Variants in FOXP2 observed in about 807,000 individuals in gnomAD.
The protein encoded by FOXP2 is forkhead box P2.
Under a neutral mutation model 115.8 loss-of-function variants are expected in FOXP2, and 12 were observed. The ratio of observed to expected loss-of-function variants is 0.10; its 90% CI spans 0.07 to 0.17. The LOEUF (loss-of-function observed/expected upper bound fraction) is 0.17. FOXP2 is among the 10% of genes least tolerant of loss of function. The pLI is 1.00. For synonymous variants in FOXP2, 328 were observed against 297.7 expected (o/e 1.10, Z -1.05); for missense variants, 629 against 843.5 (o/e 0.75, Z 3.15).
At chr7:114,654,047 A>G (rs1229404893) in intron 10 of FOXP2, 38 bp downstream of exon 10, 1 of 1,612,548 alleles carries the variant, frequency 6.2e-7, no homozygotes, top group Non-Finnish European at 8.5e-7. Context: ...AAATAGCTCT[A>G]CCAATGTAAC....
chr7:114,595,850 C>A (rs189442892), intron 3 of FOXP2, among the ~76,000 whole-genome samples: 5 of 151,900 alleles, frequency 3.3e-5, no homozygotes, highest in African/African-American at 9.6e-5. Context: ...GAGGATCAGT[C>A]GGGGGAAATG....
At chr7:114,407,337 A>T (rs1460348709) in intron 2 of FOXP2, among the ~76,000 whole-genome samples, 1 of 152,072 alleles carries the variant, frequency 6.6e-6, no homozygotes, top group Non-Finnish European at 1.5e-5. Flanking sequence ...ACCACCAAGA[A>T]GGTGTTTTAA....
At chr7:114,328,923 C>T (rs1471261181) in intron 2 of FOXP2, among the ~76,000 whole-genome samples, 1 of 152,164 alleles carries the variant, frequency 6.6e-6, no homozygotes, top group Non-Finnish European at 1.5e-5. Context: ...TGTGAAATCA[C>T]TCTTAGTACA....
chr7:114,112,247 T>G (rs1376061056), intron 1 of FOXP2, among the ~76,000 whole-genome samples: 1 of 152,062 alleles, frequency 6.6e-6, no homozygotes, highest in East Asian at 1.9e-4. Context: ...GAATCAGTGA[T>G]GTAGGAAGTT....
chr7:114,385,951 A>C (rs886213213), intron 2 of FOXP2, among the ~76,000 whole-genome samples: 1 of 152,212 alleles, frequency 6.6e-6, no homozygotes, highest in Non-Finnish European at 1.5e-5. Flanking sequence ...TTATAGCTCT[A>C]TTAGAAGCCG....
chr7:114,264,467 G>A (rs1282589392), intron 1 of FOXP2, among the ~76,000 whole-genome samples: 10 of 152,206 alleles, frequency 6.6e-5, no homozygotes, highest in South Asian at 4.1e-4. Flanking sequence ...TTTAAACAAC[G>A]TCTGCACTTT....
In FOXP2 at chr7:114,622,188, G is replaced by A. The variant is rs752363771; in HGVS notation, c.259-6352G>A. ...CATTTTATGTGCAGATGTTTATGGT[G>A]AGACTGTTTCATAAATGCTTATTAC... On this transcript the variant is annotated intron_variant, in intron 3 of 16. Transcript: ENST00000350908. Among the ~76,000 whole-genome samples, 71 of 151,888 alleles carry A rather than the reference G, an allele frequency of 4.7e-4. 1 individual carries two copies. The highest frequency in any genetic ancestry group is 1.5e-4 in the Non-Finnish European group (10 of 67,890).
intron 1 of FOXP2, among the ~76,000 whole-genome samples, chr7:114,167,948 A>AC (rs1584519352): frequency 6.6e-6 from 1 of 151,606 alleles, no homozygotes; most frequent in Non-Finnish European, 1.5e-5. Context: ...AAAAAAAAAA[A>AC]AAAAAACACG....
chr7:114,237,336 A>G (rs1795036374), intron 1 of FOXP2, among the ~76,000 whole-genome samples: 1 of 152,198 alleles, frequency 6.6e-6, no homozygotes, highest in African/African-American at 2.4e-5. Context: ...ACTCATTTCA[A>G]AAAAGTATTG....
chr7:114,126,973 G>A (rs1038570251), intron 1 of FOXP2, among the ~76,000 whole-genome samples: 8 of 152,138 alleles, frequency 5.3e-5, no homozygotes, highest in African/African-American at 1.9e-4. Flanking sequence ...ATCTGGATAT[G>A]GCATGGCTAG....
chr7:114,109,498 T>C (rs1383466240), intron 1 of FOXP2, among the ~76,000 whole-genome samples: 1 of 152,068 alleles, frequency 6.6e-6, no homozygotes, highest in Non-Finnish European at 1.5e-5. Flanking sequence ...TCTACAAAAT[T>C]GAACTGCTTG....
At chr7:114,314,995 G>T (rs1306160105) in intron 2 of FOXP2, among the ~76,000 whole-genome samples, 1 of 152,114 alleles carries the variant, frequency 6.6e-6, no homozygotes. Flanking sequence ...AAAACGATAA[G>T]CACCACCTTT....
At chr7:114,394,480 T>C (rs1459699287) in intron 2 of FOXP2, among the ~76,000 whole-genome samples, 1 of 151,532 alleles carries the variant, frequency 6.6e-6, no homozygotes, top group Non-Finnish European at 1.5e-5. Context: ...AATCGGATAC[T>C]TATATAGTTT....
At chr7:114,342,302 T>C (rs2129184469) in intron 2 of FOXP2, among the ~76,000 whole-genome samples, 1 of 151,478 alleles carries the variant, frequency 6.6e-6, no homozygotes, top group Non-Finnish European at 1.5e-5. Context: ...TCTATAATAA[T>C]ATAGTATTAC....
At chr7:114,423,655 T>C (rs1165174496) in intron 1 of FOXP2, among the ~76,000 whole-genome samples, 1 of 151,622 alleles carries the variant, frequency 6.6e-6, no homozygotes, top group Non-Finnish European at 1.5e-5. Context: ...ATGTTTCGGA[T>C]CATAAGCACA....
chr7:114,437,029 A>G (rs1218145008), intron 2 of FOXP2, among the ~76,000 whole-genome samples: 3 of 152,190 alleles, frequency 2.0e-5, no homozygotes, highest in Non-Finnish European at 4.4e-5. Context: ...TAGAAGAAAT[A>G]GTTTTATGAA....
At chr7:114,263,388 CTTCCTT>C in intron 1 of FOXP2, among the ~76,000 whole-genome samples, 1 of 142,846 alleles carries the variant, frequency 7.0e-6, no homozygotes, top group East Asian at 2.0e-4. Flanking sequence ...TCCCCTCTTT[CTTCCTT>C]TTCCTTTTCC....
At chr7:114,225,396 T>A (rs534213655) in intron 1 of FOXP2, among the ~76,000 whole-genome samples, 1 of 152,176 alleles carries the variant, frequency 6.6e-6, no homozygotes, top group East Asian at 1.9e-4. Context: ...TTTTCTTGAG[T>A]AAGCACATAT....
chr7:114,263,968 C>T (rs1214773371), intron 1 of FOXP2, among the ~76,000 whole-genome samples: 2 of 151,928 alleles, frequency 1.3e-5, no homozygotes, highest in Non-Finnish European at 2.9e-5. Flanking sequence ...AAATCTTTAG[C>T]TTGGCCTTCA....
Sources: allele counts gnomAD v4.1 joint callset (sites outside exome capture counted in the v4.1 genomes callset), GRCh38; gene constraint gnomAD v4.1.1; transcripts MANE v1.5; gene names NCBI Gene and HGNC (gene_info 2026-07-23, HGNC 2026-07-21).